Variants in OSBP2 observed in about 807,000 individuals in gnomAD.
The protein encoded by OSBP2 is oxysterol-binding protein 2.
In OSBP2, 66 loss-of-function variants were observed where a neutral mutation model predicts 96.0. That is an observed-to-expected ratio of 0.69 (90% confidence interval 0.56 to 0.84). OSBP2 has a LOEUF of 0.84. Ranked by LOEUF, OSBP2 falls within the 40% of genes least tolerant of loss-of-function variation. The probability of loss-of-function intolerance (pLI) is 0.00; values close to 1 mark genes in which losing one functional copy is unlikely to be tolerated. For missense variants in OSBP2, 1,038 were observed against 1,222.7 expected (o/e 0.85, Z 2.25); for synonymous variants, 525 against 520.9 (o/e 1.01, Z -0.11).
chr22:30,850,149 C>CA (rs978990513), intron 2 of OSBP2, among the ~76,000 whole-genome samples: 18 of 151,720 alleles, frequency 1.2e-4, no homozygotes, highest in African/African-American at 4.1e-4. Flanking sequence ...ACTAAAAATA[C>CA]AAAAAAATTA....
In OSBP2 at chr22:30,870,321, T is replaced by C. The variant is rs2039431319; in HGVS notation, c.854-108T>C. 14 of 1,147,388 alleles carry C rather than the reference T, an allele frequency of 1.2e-5. No individual in the cohort carries two copies. Among genetic ancestry groups the C allele is most frequent in the Non-Finnish European group, 1.8e-5 (14 of 799,348 alleles). 71.1% of individuals were successfully genotyped at this position (1,147,388 alleles called of 1,614,324 possible). A position where few individuals can be genotyped will look rare whatever the true frequency, so the allele number is the denominator to read the frequency against. On this transcript the variant is annotated intron_variant, in intron 2 of 13. Coordinates refer to ENST00000332585, the MANE Select transcript of OSBP2 (RefSeq NM_030758.4). This position sits in a 1 kb window ranked among gnomAD's most constrained non-coding sequence, Gnocchi z 4.1. ...GAACGGGCACCATCTCGGGGACTGA[T>C]GTTTTTTGAATGGCGCTATCCACCC... is the stretch of plus-strand genomic sequence containing the variant.
intron 2 of OSBP2, among the ~76,000 whole-genome samples, chr22:30,864,222 G>A (rs770371596): frequency 2.0e-5 from 3 of 152,032 alleles, no homozygotes; most frequent in Admixed American, 6.6e-5. Flanking sequence ...TCCGCCCACC[G>A]CAGCCTCCCA....
intron 2 of OSBP2, among the ~76,000 whole-genome samples, chr22:30,824,537 G>A (rs931182628): frequency 2.0e-5 from 3 of 152,174 alleles, no homozygotes; most frequent in African/African-American, 7.2e-5. Context: ...CATAGCTAGG[G>A]GTTGCGGGAA....
Position 30,746,433 on chromosome 22 carries a change from A to G in OSBP2, c.853+5064A>G, listed in dbSNP as rs571920028. On this transcript the variant is annotated intron_variant, in intron 2 of 13. Coordinates refer to ENST00000332585, the MANE Select transcript of OSBP2 (RefSeq NM_030758.4). ...AGTGAGACCCTGTCTCAAAAAAAAA[A>G]TTATACCAATTCTTCTTAAATTTTT... Among the ~76,000 whole-genome samples the G allele has an allele frequency of 6.0e-5, 9 of 150,964 alleles. No homozygotes were observed. The South Asian group carries it at 1.7e-3, about 28-fold the overall frequency.
chr22:30,721,868 G>A (rs1324111986), intron 1 of OSBP2, among the ~76,000 whole-genome samples: 1 of 152,030 alleles, frequency 6.6e-6, no homozygotes, highest in Non-Finnish European at 1.5e-5. Context: ...ACTGGTTTTC[G>A]TTTTTAGAAA....
chr22:30,873,229 GC>G (rs2039496693), intron 3 of OSBP2, among the ~76,000 whole-genome samples: 1 of 152,120 alleles, frequency 6.6e-6, no homozygotes, highest in Non-Finnish European at 1.5e-5. Context: ...AGAAGTGATG[GC>G]CCTCATTCTC....
chr22:30,845,574 T>TA (rs776764817), intron 2 of OSBP2, among the ~76,000 whole-genome samples: 111 of 142,350 alleles, frequency 7.8e-4, no homozygotes, highest in Admixed American at 1.5e-3. Context: ...TCAATTTGTT[T>TA]AAAAAAAAAA....
chr22:30,856,379 T>C (rs1250516868), intron 2 of OSBP2, among the ~76,000 whole-genome samples: 3 of 136,786 alleles, frequency 2.2e-5, no homozygotes, highest in Admixed American at 7.2e-5. Context: ...CCTTCTTTTT[T>C]TTTTTTTTTT....
At position 30,834,768 on chromosome 22, in the gene OSBP2, A is replaced by G. The variant is rs543607684; in HGVS notation, c.854-35661A>G. Among the ~76,000 whole-genome samples, 27 of 150,460 alleles carry G rather than the reference A, an allele frequency of 1.8e-4. No individual in the cohort carries two copies. In the South Asian group the frequency reaches 5.7e-3, roughly 32 times the overall value. On this transcript the variant is annotated intron_variant, in intron 2 of 13. Coordinates refer to ENST00000332585, the MANE Select transcript of OSBP2 (RefSeq NM_030758.4). Reference sequence around the variant, plus strand: ...AGTCCCTTATCAGATACATTTTCAGAAATATTTTCTCCTATTCTATGGATT... The same window carrying G: ...AGTCCCTTATCAGATACATTTTCAGGAATATTTTCTCCTATTCTATGGATT...
chr22:30,758,516 C>T (rs936179910), intron 2 of OSBP2, among the ~76,000 whole-genome samples: 1 of 152,174 alleles, frequency 6.6e-6, no homozygotes, highest in Admixed American at 6.5e-5. Flanking sequence ...TAACACCAAA[C>T]AGGTGGTGAG....
intron 2 of OSBP2, among the ~76,000 whole-genome samples, chr22:30,790,305 G>C (rs563454677): frequency 2.1e-3 from 308 of 146,818 alleles, no homozygotes; most frequent in African/African-American, 6.4e-3. Flanking sequence ...TTTTAAGGAG[G>C]GGGGGGCGGG....
chr22:30,857,233 G>A (rs924513748), intron 2 of OSBP2, among the ~76,000 whole-genome samples: 2 of 152,210 alleles, frequency 1.3e-5, no homozygotes, highest in Non-Finnish European at 2.9e-5. Flanking sequence ...GTGGGATGAG[G>A]GAGGCAATGA....
intron 2 of OSBP2, among the ~76,000 whole-genome samples, chr22:30,840,100 C>A (rs924498183): frequency 7.3e-6 from 1 of 137,926 alleles, no homozygotes; most frequent in African/African-American, 2.7e-5. Flanking sequence ...GGGTGATATA[C>A]CTAATGCTAG....
rs759996904 is a variant in OSBP2, at chr22:30,695,168, A to T, written c.259A>T (p.Thr87Ser). ...AAGATCGGAACCTGTGTCCGAGACG[A>T]CGTCTGAGCCGGAGCCAGGGGCTGG... ...VPRSEPVSET[T>S]SEPEPGAGQP... The change falls in exon 1 of 14, where the codon ACG (threonine) becomes TCG (serine). Residue 87 changes from threonine to serine, a missense_variant. By Grantham distance (58) the Thr-to-Ser change is moderately conservative. Transcript: ENST00000332585. 1 of 1,611,338 alleles carries T rather than the reference A, an allele frequency of 6.2e-7. No homozygotes were observed. The highest frequency in any genetic ancestry group is 1.1e-5 in the South Asian group (1 of 90,820).
chr22:30,767,138 C>CAAAA (rs1156950666), intron 2 of OSBP2, among the ~76,000 whole-genome samples: 2,080 of 78,370 alleles, frequency 0.027, 70 homozygotes, highest in African/African-American at 0.065. Context: ...ACTAAAAATA[C>CAAAA]AAAAAAAAAA....
chr22:30,741,202 A>G lies in OSBP2; in HGVS notation c.686A>G (p.Asn229Ser), dbSNP rs775242043. The part of the protein sequence containing the change: ...EMAHTCRGTI[N>S]LSTAHIDTED... ...GCCCACACGTGCCGTGGAACCATCAACCTGTCCACCGCGCACATTGACACG... is the reference window on the plus strand; with the variant it reads ...GCCCACACGTGCCGTGGAACCATCAGCCTGTCCACCGCGCACATTGACACG... The change falls in exon 2 of 14, where the codon AAC becomes AGC. Residue 229 changes from asparagine (N) to serine (S), a missense_variant. Physicochemically the swap from Asn to Ser is conservative, Grantham distance 46. Transcript: ENST00000332585. The G allele has an allele frequency of 1.2e-6, 2 of 1,614,122 alleles. No homozygotes were observed. Among genetic ancestry groups the G allele is most frequent in the Non-Finnish European group, 1.7e-6 (2 of 1,180,030 alleles).
At chr22:30,783,064 G>C (rs1181691915) in intron 2 of OSBP2, among the ~76,000 whole-genome samples, 1 of 119,604 alleles carries the variant, frequency 8.4e-6, no homozygotes, top group Non-Finnish European at 1.7e-5. Flanking sequence ...GGAACCTGTG[G>C]CTTTTTTTTT....
In OSBP2 at chr22:30,695,397, G is replaced by C. The variant is rs763583406; in HGVS notation, c.488G>C (p.Gly163Ala). 2 of 1,613,902 alleles carry C rather than the reference G, an allele frequency of 1.2e-6. No individual in the cohort carries two copies. The highest frequency in any genetic ancestry group is 1.7e-5 in the Admixed American group (1 of 60,026). ...LRPGQAKTPL[G>A]VPMSGTGTTS... ...CCAGGACAGGCGAAGACTCCTCTTG[G>C]GGTTCCAATGTCGGGGACTGGCACG... The change falls in exon 1 of 14, where the codon GGG becomes GCG. Residue 163 changes from glycine to alanine, a missense_variant. Gly to Ala is a moderately conservative substitution (Grantham distance 60). This residue lies in a region of OSBP2 where 281 missense variants were observed against 273.4 expected (regional missense o/e 1.03). Coordinates refer to ENST00000332585, the MANE Select transcript of OSBP2 (RefSeq NM_030758.4).
intron 12 of OSBP2, among the ~76,000 whole-genome samples, chr22:30,904,595 A>ATATATAT (rs2040287573): frequency 1.3e-5 from 2 of 149,824 alleles, no homozygotes; most frequent in African/African-American, 4.9e-5. Context: ...ACATAATTAA[A>ATATATAT]ATATATATAT....
Sources: gnomAD v4.1 joint callset for allele counts (sites outside exome capture counted in the v4.1 genomes callset) on GRCh38, gnomAD v4.1.1 for gene constraint, gnomAD v4.1.1 regional missense constraint, Gnocchi (gnomAD v3.1) non-coding constraint, MANE v1.5 for transcripts, NCBI Gene and HGNC (gene_info 2026-07-23, HGNC 2026-07-21) for gene names.